MYO3B: variants seen among roughly 807,000 people sequenced by gnomAD.
MYO3B encodes myosin-IIIb.
Under a neutral mutation model 174.6 loss-of-function variants are expected in MYO3B, and 156 were observed. The observed-to-expected ratio is 0.89, with a 90% confidence interval of 0.78 to 1.02. The LOEUF is 1.02. Among genes scored for constraint, MYO3B ranks in the 50% least tolerant of loss-of-function variants. The probability of loss-of-function intolerance (pLI) is 0.00; values close to 1 mark genes in which losing one functional copy is unlikely to be tolerated. For synonymous variants in MYO3B, 563 were observed against 569.1 expected (o/e 0.99, Z 0.15); for missense variants, 1,632 against 1,639.4 (o/e 1.00, Z 0.08).
intron 22 of MYO3B, among the ~76,000 whole-genome samples, chr2:170,423,304 GT>G: frequency 6.6e-6 from 1 of 152,190 alleles, no homozygotes; most frequent in South Asian, 2.1e-4. Context: ...CATTTCATAT[GT>G]GCAGTAGCCA....
intron 32 of MYO3B, among the ~76,000 whole-genome samples, chr2:170,593,151 G>A (rs1693925247): frequency 6.6e-6 from 1 of 152,122 alleles, no homozygotes; most frequent in Non-Finnish European, 1.5e-5. Context: ...AGGGTGGAGT[G>A]TAGTGGCATG....
At chr2:170,323,249 G>A (rs1270584074) in intron 7 of MYO3B, among the ~76,000 whole-genome samples, 1 of 152,266 alleles carries the variant, frequency 6.6e-6, no homozygotes, top group East Asian at 1.9e-4. Flanking sequence ...CAGAAAACAC[G>A]TAAAACTCAA....
intron 8 of MYO3B, among the ~76,000 whole-genome samples, chr2:170,361,939 T>C (rs1428534228): frequency 6.6e-6 from 1 of 152,210 alleles, no homozygotes; most frequent in East Asian, 1.9e-4. Flanking sequence ...GTCTGGGCTT[T>C]TCAAACTATT....
chr2:170,409,563 T>C (rs1343694701), intron 22 of MYO3B, among the ~76,000 whole-genome samples: 1 of 152,266 alleles, frequency 6.6e-6, no homozygotes, highest in African/African-American at 2.4e-5. Flanking sequence ...TGAGTATAGT[T>C]AAGAAGCCAC....
Position 170,400,254 on chromosome 2 carries a change from A to G in MYO3B, c.1858A>G (p.Ile620Val). 6.2e-7 allele frequency: 1 copy of G among 1,614,048 alleles called. No individual in the cohort carries two copies. The highest frequency in any genetic ancestry group is 8.5e-7 in the Non-Finnish European group (1 of 1,180,006). ...LNIGNIEFAA[I>V]SSQHQTDKSE... The stretch of plus-strand genomic sequence containing the variant: ...TATTGGGAACATTGAGTTCGCAGCT[A>G]TTTCCTCTCAACATCAGACTGATAA... The change falls in exon 17 of 35, where the codon ATT becomes GTT. Residue 620 changes from isoleucine (I) to valine (V), a missense_variant. Ile to Val is a conservative substitution (Grantham distance 29). Transcript: ENST00000408978.
chr2:170,394,926 G>C (rs1418619185), intron 16 of MYO3B, among the ~76,000 whole-genome samples: 2 of 152,192 alleles, frequency 1.3e-5, no homozygotes, highest in African/African-American at 4.8e-5. Flanking sequence ...TTTTCTGGCA[G>C]ACATTTCTAG....
chr2:170,354,480 CGGGGAAACAGCAGGTCCCCT>C (rs1184182031), intron 8 of MYO3B, among the ~76,000 whole-genome samples: 1 of 152,096 alleles, frequency 6.6e-6, no homozygotes, highest in Admixed American at 6.5e-5. Flanking sequence ...AATACCAGGG[CGGGGAAACAGCAGGTCCCCT>C]GGGGAAACAG....
chr2:170,236,810 T>C (rs1247622129), intron 7 of MYO3B, among the ~76,000 whole-genome samples: 1 of 152,186 alleles, frequency 6.6e-6, no homozygotes, highest in Non-Finnish European at 1.5e-5. Flanking sequence ...AGGGTGCAGA[T>C]TGAGAGATAA....
chr2:170,402,944 CA>C lies in MYO3B; in HGVS notation c.2228del (p.Asn743MetfsTer122). Reference protein sequence around the residue: ...SFEQLCINIANEQIQYYFNQH... With the variant: ...SFEQLCINIAXEQIQYYFNQH... ...TTGAGCAGCTCTGCATAAACATCGC[CA>C]ATGAGCAAATCCAGTACTATTTCAA... is the stretch of plus-strand genomic sequence containing the variant. On this transcript the variant is annotated frameshift_variant, in exon 19 of 35. Coordinates refer to ENST00000408978, the MANE Select transcript of MYO3B (RefSeq NM_138995.5). LOFTEE classifies it high-confidence loss of function. The C allele has an allele frequency of 6.2e-7, 1 of 1,610,592 alleles. No individual in the cohort carries two copies. The highest frequency in any genetic ancestry group is 8.5e-7 in the Non-Finnish European group (1 of 1,177,342).
chr2:170,264,437 C>T (rs1448305296), intron 7 of MYO3B, among the ~76,000 whole-genome samples: 2 of 152,214 alleles, frequency 1.3e-5, no homozygotes. Flanking sequence ...ACACCCATCA[C>T]TTTTGCCACA....
intron 32 of MYO3B, among the ~76,000 whole-genome samples, chr2:170,572,051 T>C (rs1480302019): frequency 6.6e-6 from 1 of 152,082 alleles, no homozygotes; most frequent in Non-Finnish European, 1.5e-5. Flanking sequence ...GTGGCTCACC[T>C]CCTGTAATCC....
intron 8 of MYO3B, among the ~76,000 whole-genome samples, chr2:170,368,027 A>G (rs185761727): frequency 2.0e-5 from 3 of 152,350 alleles, no homozygotes; most frequent in East Asian, 3.9e-4. Context: ...TTTCAGGACT[A>G]GAAGGTAAGG....
Position 170,448,779 on chromosome 2 carries a change from G to A in MYO3B, c.2730+4733G>A, listed in dbSNP as rs958499794. On this transcript the variant is annotated intron_variant, in intron 23 of 34. Coordinates refer to ENST00000408978, the MANE Select transcript of MYO3B (RefSeq NM_138995.5). ...AAAAACTCAAGAACAACTAACAACAGGTGTGCGATAGTTTTTTTTTTTTTG... is the reference window on the plus strand; with the variant it reads ...AAAAACTCAAGAACAACTAACAACAAGTGTGCGATAGTTTTTTTTTTTTTG... 2.2e-5 allele frequency among the ~76,000 whole-genome samples: 3 copies of A among 134,224 alleles called. No homozygotes were observed. The Admixed American group carries it at 2.5e-4, about 11-fold the overall frequency. The allele number at this position is 134,224 out of a possible 152,430, so 88.1% of individuals were successfully genotyped here.
At chr2:170,323,406 G>C (rs1201338333) in intron 7 of MYO3B, among the ~76,000 whole-genome samples, 1 of 152,204 alleles carries the variant, frequency 6.6e-6, no homozygotes, top group Non-Finnish European at 1.5e-5. Context: ...TAATATGCTT[G>C]AGTTGATGCT....
At position 170,653,625 on chromosome 2, in the gene MYO3B, T is replaced by C; in HGVS notation, c.*504T>C. 1 of 156,498 alleles carries C rather than the reference T, an allele frequency of 6.4e-6. No individual in the cohort carries two copies. Among genetic ancestry groups the C allele is most frequent in the Admixed American group, 6.2e-5 (1 of 16,250 alleles). 9.7% of individuals were successfully genotyped at this position (156,498 alleles called of 1,614,324 possible). A position where few individuals can be genotyped will look rare whatever the true frequency, so the allele number is the denominator to read the frequency against. ...TCCCCCAGAGTCAGGGCTCCATTGC[T>C]GAGTGCCCCATCCTGGAGGATTGGC... On this transcript the variant is annotated 3_prime_UTR_variant, in exon 35 of 35. Transcript: ENST00000408978.
At chr2:170,476,160 T>G (rs188691312) in intron 25 of MYO3B, among the ~76,000 whole-genome samples, 6 of 152,250 alleles carry the variant, frequency 3.9e-5, no homozygotes, top group Admixed American at 1.3e-4. Context: ...GGGGAGCACG[T>G]GGATGGACAC....
At chr2:170,325,206 G>C (rs1364616548) in intron 7 of MYO3B, among the ~76,000 whole-genome samples, 3 of 151,890 alleles carry the variant, frequency 2.0e-5, no homozygotes, top group African/African-American at 7.3e-5. Context: ...TTTTTGTTCT[G>C]TTTGGTTTGG....
At chr2:170,474,523 G>A (rs546086749) in intron 25 of MYO3B, among the ~76,000 whole-genome samples, 3 of 151,736 alleles carry the variant, frequency 2.0e-5, no homozygotes, top group African/African-American at 4.8e-5. Flanking sequence ...GATCACCTGA[G>A]GTCGGGAGTT....
intron 1 of MYO3B, among the ~76,000 whole-genome samples, chr2:170,189,957 G>A (rs191755828): frequency 6.6e-6 from 1 of 152,230 alleles, no homozygotes; most frequent in East Asian, 1.9e-4. Context: ...GTCTGGGCTT[G>A]TTTGTACTTG....
Sources: gnomAD v4.1 joint callset for allele counts (sites outside exome capture counted in the v4.1 genomes callset) on GRCh38, gnomAD v4.1.1 for gene constraint, MANE v1.5 for transcripts, NCBI Gene and HGNC (gene_info 2026-07-23, HGNC 2026-07-21) for gene names.